Variants in RIMS1 observed in about 807,000 individuals in gnomAD.
RIMS1 encodes the protein regulating synaptic membrane exocytosis 1, also known as regulating synaptic membrane exocytosis protein 1.
A neutral mutation model predicts 214.1 loss-of-function variants in RIMS1; 83 were observed. That is an observed-to-expected ratio of 0.39 (90% CI 0.32 to 0.47). The LOEUF (loss-of-function observed/expected upper bound fraction) is 0.47, where lower values mean the gene tolerates loss of function less well. RIMS1 is among the 20% of genes least tolerant of loss of function. RIMS1 has a pLI of 0.99. For synonymous variants in RIMS1, 793 were observed against 786.8 expected (o/e 1.01, Z -0.13); for missense variants, 2,050 against 2,161.8 (o/e 0.95, Z 1.03).
chr6:72,335,523 G>T (rs534359974), intron 29 of RIMS1, among the ~76,000 whole-genome samples: 1 of 151,962 alleles, frequency 6.6e-6, no homozygotes, highest in South Asian at 2.1e-4. Context: ...AACGGTGTTG[G>T]AATAAACATA....
intron 2 of RIMS1, among the ~76,000 whole-genome samples, chr6:72,022,584 C>T (rs1336987245): frequency 6.6e-6 from 1 of 152,060 alleles, no homozygotes; most frequent in Non-Finnish European, 1.5e-5. Flanking sequence ...AATAATTAGG[C>T]AATTAGTGTC....
At chr6:72,225,318 T>C (rs2059865159) in intron 6 of RIMS1, among the ~76,000 whole-genome samples, 1 of 152,172 alleles carries the variant, frequency 6.6e-6, no homozygotes, top group African/African-American at 2.4e-5. Flanking sequence ...ATCCTTAAAA[T>C]TCATCTTTAT....
chr6:71,907,016 C>G (rs746953111), intron 1 of RIMS1, among the ~76,000 whole-genome samples: 57 of 152,242 alleles, frequency 3.7e-4, no homozygotes, highest in Non-Finnish European at 7.2e-4. Flanking sequence ...TTGGTTCTTA[C>G]ATTGTGCTAA....
chr6:72,048,661 G>C (rs975724685), intron 2 of RIMS1, among the ~76,000 whole-genome samples: 7 of 152,158 alleles, frequency 4.6e-5, no homozygotes, highest in Non-Finnish European at 7.4e-5. Context: ...CTAGGAAATA[G>C]GTTAAATGTA....
intron 2 of RIMS1, among the ~76,000 whole-genome samples, chr6:71,993,530 T>C (rs1254959429): frequency 6.6e-6 from 1 of 152,204 alleles, no homozygotes; most frequent in Non-Finnish European, 1.5e-5. Flanking sequence ...GAAGACTTCC[T>C]TGGTAGAAAT....
At chr6:72,331,363 A>G (rs1019024050) in intron 28 of RIMS1, among the ~76,000 whole-genome samples, 5 of 151,824 alleles carry the variant, frequency 3.3e-5, no homozygotes, top group Non-Finnish European at 7.4e-5. Flanking sequence ...GAAAATCATC[A>G]GAAGAGAAGT....
chr6:72,186,720 T>G (rs539051560), intron 6 of RIMS1, among the ~76,000 whole-genome samples: 1 of 152,208 alleles, frequency 6.6e-6, no homozygotes, highest in South Asian at 2.1e-4. Flanking sequence ...ATACAAAATA[T>G]TATAATTTAA....
chr6:71,936,822 G>A lies in RIMS1; in HGVS notation c.165-32161G>A, dbSNP rs545850299. Among the ~76,000 whole-genome samples the A allele has an allele frequency of 4.6e-5, 7 of 152,310 alleles. No individual in the cohort carries two copies. The South Asian group carries it at 1.2e-3, about 27-fold the overall frequency. On this transcript the variant is annotated intron_variant, in intron 1 of 33. Transcript: ENST00000521978. ...TGTAAAGCCCACTTTTGCTAAAGGGGGTTGTGTGTACAGTAGAATTAGAAG... is the reference window on the plus strand; with the variant it reads ...TGTAAAGCCCACTTTTGCTAAAGGGAGTTGTGTGTACAGTAGAATTAGAAG...
At chr6:72,160,243 G>A (rs1284292364) in intron 4 of RIMS1, among the ~76,000 whole-genome samples, 1 of 26,356 alleles carries the variant, frequency 3.8e-5, no homozygotes, top group Non-Finnish European at 8.2e-5. Flanking sequence ...TTTGTATCCT[G>A]AGACTGCTGA....
rs995303200 is a variant in RIMS1 at position 72,154,200 on chromosome 6, T to G, written c.472-25375T>G. Among the ~76,000 whole-genome samples the G allele has an allele frequency of 2.1e-5, 2 of 96,284 alleles. 1 individual carries two copies. Among genetic ancestry groups the G allele is most frequent in the Non-Finnish European group, 5.5e-5 (2 of 36,468 alleles). 63.2% of individuals were successfully genotyped at this position (96,284 alleles called of 152,430 possible). On this transcript the variant is annotated intron_variant, in intron 4 of 33. Transcript: ENST00000521978. Reference sequence around the variant, plus strand: ...GAATAATTACATGTGGAAAAAGTTATGTGTTTTACAGACAGCAAAATCTTT... The same window carrying G: ...GAATAATTACATGTGGAAAAAGTTAGGTGTTTTACAGACAGCAAAATCTTT...
At chr6:71,998,129 GTATTATGCTTA>G (rs1804038025) in intron 2 of RIMS1, among the ~76,000 whole-genome samples, 1 of 152,024 alleles carries the variant, frequency 6.6e-6, no homozygotes, top group East Asian at 1.9e-4. Flanking sequence ...TTTCAATATG[GTATTATGCTTA>G]GAATGTTTCT....
At chr6:71,982,986 T>A (rs181455041) in intron 2 of RIMS1, among the ~76,000 whole-genome samples, 1 of 152,246 alleles carries the variant, frequency 6.6e-6, no homozygotes, top group African/African-American at 2.4e-5. Flanking sequence ...TGTCCTTCCC[T>A]TCTATTTCTA....
intron 4 of RIMS1, among the ~76,000 whole-genome samples, chr6:72,145,047 A>T (rs901141462): frequency 1.3e-5 from 2 of 152,036 alleles, no homozygotes; most frequent in Non-Finnish European, 2.9e-5. Flanking sequence ...TCTTTTGTTA[A>T]AAACAAATCA....
chr6:71,898,709 G>A (rs908167168), intron 1 of RIMS1, among the ~76,000 whole-genome samples: 26 of 152,106 alleles, frequency 1.7e-4, no homozygotes, highest in African/African-American at 6.3e-4. Context: ...AGAGTTGGCA[G>A]GAAAGATGGC....
At chr6:72,005,946 G>T (rs957551526) in intron 2 of RIMS1, among the ~76,000 whole-genome samples, 1 of 152,164 alleles carries the variant, frequency 6.6e-6, no homozygotes, top group Admixed American at 6.5e-5. Flanking sequence ...GGCAAATTAC[G>T]ATAGAGTGGT....
intron 2 of RIMS1, among the ~76,000 whole-genome samples, chr6:71,976,934 T>C (rs1357423606): frequency 1.3e-5 from 2 of 152,124 alleles, no homozygotes; most frequent in Admixed American, 6.6e-5. Context: ...GAATGGGTCT[T>C]TGATATTGTG....
At chr6:71,891,586 A>G (rs551492683) in intron 1 of RIMS1, among the ~76,000 whole-genome samples, 4 of 152,340 alleles carry the variant, frequency 2.6e-5, no homozygotes, top group Admixed American at 2.6e-4. Context: ...AAAAGAAGAA[A>G]AGTGGAAGGA....
chr6:72,035,701 T>C (rs1233862881), intron 2 of RIMS1, among the ~76,000 whole-genome samples: 1 of 152,174 alleles, frequency 6.6e-6, no homozygotes, highest in African/African-American at 2.4e-5. Context: ...CCCAAGAGGC[T>C]TAATTATTCA....
intron 33 of RIMS1, among the ~76,000 whole-genome samples, chr6:72,400,178 A>T (rs2098824845): frequency 6.6e-6 from 1 of 152,196 alleles, no homozygotes; most frequent in Admixed American, 6.5e-5. Context: ...TAGTAGTTAC[A>T]CAAGAAAGGT....
Sources: gnomAD v4.1 joint callset for allele counts (sites outside exome capture counted in the v4.1 genomes callset) on GRCh38, gnomAD v4.1.1 for gene constraint, MANE v1.5 for transcripts, NCBI Gene and HGNC (gene_info 2026-07-23, HGNC 2026-07-21) for gene names.